PPFIA2: variants seen among roughly 807,000 people sequenced by gnomAD.
PPFIA2 encodes the protein liprin-alpha-2.
In PPFIA2, 46 loss-of-function variants were observed where a neutral mutation model predicts 175.5. The ratio of observed to expected loss-of-function variants is 0.26; its 90% CI spans 0.21 to 0.34. The LOEUF (loss-of-function observed/expected upper bound fraction) is 0.34, where lower values mean the gene tolerates loss of function less well. PPFIA2 is among the 10% of genes least tolerant of loss of function. The pLI is 1.00. For synonymous variants in PPFIA2, 568 were observed against 511.4 expected (o/e 1.11, Z -1.49); for missense variants, 1,179 against 1,506.1 (o/e 0.78, Z 3.60).
intron 8 of PPFIA2, among the ~76,000 whole-genome samples, chr12:81,387,840 A>G (rs1179885853): frequency 6.6e-6 from 1 of 152,138 alleles, no homozygotes; most frequent in Non-Finnish European, 1.5e-5. Flanking sequence ...TTCTGAGTTC[A>G]GTGTACAGAT....
chr12:81,486,742 A>C (rs977312572), intron 4 of PPFIA2, among the ~76,000 whole-genome samples: 1 of 152,022 alleles, frequency 6.6e-6, no homozygotes, highest in East Asian at 1.9e-4. Flanking sequence ...AGTAGTACTC[A>C]TATCCACTCT....
At chr12:81,510,049 G>T (rs1397882647) in intron 4 of PPFIA2, among the ~76,000 whole-genome samples, 4 of 152,052 alleles carry the variant, frequency 2.6e-5, no homozygotes, top group Non-Finnish European at 4.4e-5. Flanking sequence ...TCAGTTGGCA[G>T]GTTCCAAAAG....
At chr12:81,420,630 GA>G (rs1327057489) in intron 7 of PPFIA2, among the ~76,000 whole-genome samples, 1 of 150,948 alleles carries the variant, frequency 6.6e-6, no homozygotes, top group Non-Finnish European at 1.5e-5. Flanking sequence ...TCATAGGAGA[GA>G]AAAATGAAAA....
At chr12:81,608,717 A>T (rs926440558) in intron 4 of PPFIA2, among the ~76,000 whole-genome samples, 1 of 151,858 alleles carries the variant, frequency 6.6e-6, no homozygotes, top group African/African-American at 2.4e-5. Flanking sequence ...TAGTATGTCA[A>T]CCTTGCTTAT....
rs1457683534 is a variant in PPFIA2, at chr12:81,566,558, GAA to G, written c.304-108694_304-108693del. On this transcript the variant is annotated intron_variant, in intron 4 of 32. Transcript: ENST00000549396. ...AAAAAAAAAAAAAAAAAAAAGAAAA[GAA>G]AAGAAAAAAAGAAAAGTACATGTAC... 4.0e-4 allele frequency among the ~76,000 whole-genome samples: 55 copies of G among 135,922 alleles called. 2 individuals carry two copies. Among genetic ancestry groups the G allele is most frequent in the Non-Finnish European group, 3.2e-5 (2 of 61,942 alleles). 89.2% of individuals were successfully genotyped at this position (135,922 alleles called of 152,430 possible).
At chr12:81,629,592 C>T (rs2063131311) in intron 4 of PPFIA2, among the ~76,000 whole-genome samples, 3 of 152,152 alleles carry the variant, frequency 2.0e-5, no homozygotes, top group African/African-American at 7.2e-5. Context: ...AGAAACCTGG[C>T]TTGGAAAATA....
At chr12:81,708,279 T>A (rs1381873907) in intron 3 of PPFIA2, among the ~76,000 whole-genome samples, 1 of 151,806 alleles carries the variant, frequency 6.6e-6, no homozygotes, top group African/African-American at 2.4e-5. Context: ...GGAAGAAAAA[T>A]TTTAAAAACA....
intron 3 of PPFIA2, among the ~76,000 whole-genome samples, chr12:81,689,796 T>C (rs748897499): frequency 3.9e-5 from 6 of 152,098 alleles, no homozygotes; most frequent in Non-Finnish European, 5.9e-5. Flanking sequence ...TCATTACTTA[T>C]ACTTCCTCCC....
chr12:81,327,340 T>A (rs927002780), intron 21 of PPFIA2, among the ~76,000 whole-genome samples: 8 of 152,062 alleles, frequency 5.3e-5, no homozygotes, highest in Non-Finnish European at 8.8e-5. Context: ...CTTCTTGGTA[T>A]GGATTAGGAA....
chr12:81,717,070 G>A (rs910081913), intron 3 of PPFIA2, among the ~76,000 whole-genome samples: 1 of 151,556 alleles, frequency 6.6e-6, no homozygotes, highest in Admixed American at 6.6e-5. Context: ...TTTAATCTGG[G>A]GTCAGCAAGC....
At chr12:81,478,907 G>C (rs960731952) in intron 4 of PPFIA2, among the ~76,000 whole-genome samples, 1 of 152,136 alleles carries the variant, frequency 6.6e-6, no homozygotes, top group Non-Finnish European at 1.5e-5. Context: ...ATTCGGAGTG[G>C]AGAGTTCTGT....
At chr12:81,585,712 G>A (rs2075209575) in intron 4 of PPFIA2, among the ~76,000 whole-genome samples, 1 of 151,776 alleles carries the variant, frequency 6.6e-6, no homozygotes, top group South Asian at 2.1e-4. Context: ...GTACCTGCCT[G>A]AGACTATTTC....
intron 4 of PPFIA2, among the ~76,000 whole-genome samples, chr12:81,526,913 G>A (rs1263803073): frequency 6.6e-6 from 1 of 151,834 alleles, no homozygotes. Flanking sequence ...CTAGCTGAAG[G>A]TATGACCTAA....
intron 22 of PPFIA2, among the ~76,000 whole-genome samples, chr12:81,319,518 T>C (rs1411302862): frequency 1.3e-5 from 2 of 151,802 alleles, no homozygotes; most frequent in Non-Finnish European, 3.0e-5. Flanking sequence ...TTTGAAAGCA[T>C]TGGTTTTAGG....
rs140809406 is a variant in PPFIA2 at position 81,511,140 on chromosome 12, C to T, written c.304-53274G>A. Reference sequence around the variant, plus strand: ...AGCAAAGCAATGAAAGCTGAACACTCCCTAGCATACAGAGATGATTCTGAA... The same window carrying T: ...AGCAAAGCAATGAAAGCTGAACACTTCCTAGCATACAGAGATGATTCTGAA... On this transcript the variant is annotated intron_variant, in intron 4 of 32. Transcript: ENST00000549396. Among the ~76,000 whole-genome samples, 1,142 of 152,142 alleles carry T rather than the reference C, an allele frequency of 7.5e-3. 14 individuals carry two copies. The highest frequency in any genetic ancestry group is 0.025 in the African/African-American group (1,049 of 41,524).
chr12:81,759,280 C>T lies in PPFIA2; in HGVS notation c.-111G>A, dbSNP rs1288270238. Reference sequence around the variant, plus strand: ...GCTTCAATTGGCCGGAAGAACCAACCTGCTGGCAGCCGGTGAGGACGCTAC... The same window carrying T: ...GCTTCAATTGGCCGGAAGAACCAACTTGCTGGCAGCCGGTGAGGACGCTAC... On this transcript the variant is annotated splice_region_variant and 5_prime_UTR_variant, in exon 1 of 33. Transcript: ENST00000549396. The T allele has an allele frequency of 6.6e-6, 1 of 151,652 alleles. No individual in the cohort carries two copies. The highest frequency in any genetic ancestry group is 2.4e-5 in the African/African-American group (1 of 41,186). The allele number at this position is 151,652 out of a possible 1,614,324, so 9.4% of individuals were successfully genotyped here.
chr12:81,366,000 T>A (rs1178963306), intron 14 of PPFIA2, among the ~76,000 whole-genome samples: 1 of 99,504 alleles, frequency 1.0e-5, no homozygotes, highest in Non-Finnish European at 2.0e-5. Context: ...CTTCCTTCCT[T>A]CCTTCCTTCC....
chr12:81,415,717 T>C (rs1592647751), intron 7 of PPFIA2, among the ~76,000 whole-genome samples: 1 of 147,434 alleles, frequency 6.8e-6, no homozygotes, highest in South Asian at 2.2e-4. Flanking sequence ...AAAAAAAAAA[T>C]CAAATATATT....
intron 7 of PPFIA2, among the ~76,000 whole-genome samples, chr12:81,420,552 A>G (rs1448164597): frequency 6.6e-6 from 1 of 152,078 alleles, no homozygotes; most frequent in Non-Finnish European, 1.5e-5. Flanking sequence ...GAGTGCTTCA[A>G]TAGCAGACTT....
Sources: allele counts gnomAD v4.1 joint callset (sites outside exome capture counted in the v4.1 genomes callset), GRCh38; gene constraint gnomAD v4.1.1; transcripts MANE v1.5; gene names NCBI Gene and HGNC (gene_info 2026-07-23, HGNC 2026-07-21).